Variants in TRMT1 observed in about 807,000 individuals in gnomAD.
TRMT1 encodes the protein tRNA (guanine(26)-N(2))-dimethyltransferase.
TRMT1 carries 63 observed loss-of-function variants against 75.4 expected under a neutral mutation model. The observed-to-expected ratio is 0.84, with a 90% CI of 0.68 to 1.03. TRMT1 has a LOEUF of 1.03. Ranked by LOEUF, TRMT1 falls within the 50% of genes least tolerant of loss-of-function variation. TRMT1 has a pLI of 0.00. For missense variants in TRMT1, 870 were observed against 905.3 expected (o/e 0.96, Z 0.50); for synonymous variants, 382 against 358.1 (o/e 1.07, Z -0.75).
intron 14 of TRMT1, among the ~76,000 whole-genome samples, chr19:13,106,395 A>G (rs1331900612): frequency 1.3e-5 from 2 of 152,112 alleles, no homozygotes; most frequent in Non-Finnish European, 2.9e-5. Context: ...TTATTTAACG[A>G]CTGTGTGCCT....
chr19:13,106,642 ATT>A (rs35374756), intron 14 of TRMT1, among the ~76,000 whole-genome samples: 21 of 131,848 alleles, frequency 1.6e-4, no homozygotes, highest in Admixed American at 3.1e-4. Flanking sequence ...CACCTGGCTA[ATT>A]TTTTTTTTTT....
chr19:13,109,527 C>G (rs1363819045), intron 11 of TRMT1, 23 bp downstream of exon 11: 2 of 1,613,860 alleles, frequency 1.2e-6, no homozygotes, highest in Non-Finnish European at 1.7e-6. Context: ...GAGCCCCCTT[C>G]CCCGTCACAG....
In TRMT1 at chr19:13,109,475, G is replaced by A; in HGVS notation, c.1312-9C>T. The A allele has an allele frequency of 6.2e-7, 1 of 1,613,994 alleles. No homozygotes were observed. The highest frequency in any genetic ancestry group is 1.1e-5 in the South Asian group (1 of 91,076). ...GGCACGTCCGGGAGCTCCTGCGATG[G>A]GGGACAGGATGGGCATGAGTGGAGA... On this transcript the variant is annotated splice_polypyrimidine_tract_variant and intron_variant, in intron 11 of 16. Transcript: ENST00000357720.
chr19:13,109,680 C>A lies in TRMT1; in HGVS notation c.1181G>T (p.Gly394Val), dbSNP rs755782799. Residue 394 changes from glycine to valine, a missense_variant, in exon 11 of 17, where the codon GGT (glycine) becomes GTT (valine). Transcript: ENST00000357720. ...GATGGGCTCTGCCCACATGGGGCCA[C>A]CAAGCTGGGGGCGCACCGGGGACAG... is the stretch of plus-strand genomic sequence containing the variant. ...CEHCGQRHQLGGPMWAEPIHD... is the reference protein window; with the variant it reads ...CEHCGQRHQLVGPMWAEPIHD... The A allele has an allele frequency of 6.2e-7, 1 of 1,613,918 alleles. No homozygotes were observed. Among genetic ancestry groups the A allele is most frequent in the Non-Finnish European group, 8.5e-7 (1 of 1,179,988 alleles).
chr19:13,116,222 C>T lies in TRMT1; in HGVS notation c.178G>A (p.Gly60Arg). The T allele has an allele frequency of 6.2e-7, 1 of 1,614,196 alleles. No homozygotes were observed. The change falls in exon 2 of 17, where the codon GGG (glycine) becomes AGG (arginine). Residue 60 changes from glycine to arginine, a missense_variant. By Grantham distance (125) the Gly-to-Arg change is moderately radical (BLOSUM62 -2). Coordinates refer to ENST00000357720, the MANE Select transcript of TRMT1 (RefSeq NM_001136035.4). ...REVQETTVTE[G>R]AAKIAFPSAN... ...CTGGGAAAGGCGATTTTGGCAGCCC[C>T]CTCGGTGACTGTCGTCTCCTGGACT...
intron 5 of TRMT1, 75 bp downstream of exon 5, chr19:13,115,204 T>C: frequency 6.8e-7 from 1 of 1,477,898 alleles, no homozygotes; most frequent in Non-Finnish European, 9.1e-7. Context: ...GGTCACAGAG[T>C]GAGAATGTGA....
intron 12 of TRMT1, among the ~76,000 whole-genome samples, chr19:13,109,014 C>T (rs951694176): frequency 7.9e-5 from 12 of 151,012 alleles, no homozygotes; most frequent in Admixed American, 5.3e-4. Flanking sequence ...ACTCCTGGCC[C>T]AAATGATCCT....
In TRMT1 at chr19:13,107,648, C is replaced by G. The variant is rs35206121; in HGVS notation, c.1509G>C (p.Glu503Asp). 1 of 1,605,104 alleles carries G rather than the reference C, an allele frequency of 6.2e-7. No homozygotes were observed. The highest frequency in any genetic ancestry group is 2.2e-5 in the East Asian group (1 of 44,672). Residue 503 changes from glutamate (E) to aspartate (D), a missense_variant and splice_region_variant, in exon 14 of 17, where the codon GAG becomes GAC. Glu to Asp is a conservative substitution (Grantham distance 45). Coordinates refer to ENST00000357720, the MANE Select transcript of TRMT1 (RefSeq NM_001136035.4). The stretch of plus-strand genomic sequence containing the variant: ...GCTCCCGTTTCACCGGACATTCCTT[C>G]TCCTGGGGGCAGAGGTCAGAGGTTA... Reference protein sequence around the residue: ...SALWDIMRCWEKECPVKRERL... With the variant: ...SALWDIMRCWDKECPVKRERL...
At chr19:13,106,824 T>TATTGATTG (rs2018893921) in intron 14 of TRMT1, among the ~76,000 whole-genome samples, 1 of 149,152 alleles carries the variant, frequency 6.7e-6, no homozygotes, top group Non-Finnish European at 1.5e-5. Context: ...TTTATTTATT[T>TATTGATTG]ATTTATTTAT....
rs1276995867 is a variant in TRMT1 at position 13,112,911 on chromosome 19, C to T, written c.742G>A (p.Ala248Thr). The T allele has an allele frequency of 6.2e-7, 1 of 1,613,314 alleles. No homozygotes were observed. The part of the protein sequence containing the change: ...PATFLDAAVQ[A>T]VSEGGLLCVT... ...CCCACCTCACCTCCTTCACTCACAGCCTGCACAGCTGCATCCAGGAAGGTG... is the reference window on the plus strand; with the variant it reads ...CCCACCTCACCTCCTTCACTCACAGTCTGCACAGCTGCATCCAGGAAGGTG... The change falls in exon 6 of 17, where the codon GCT (alanine) becomes ACT (threonine). Residue 248 changes from alanine to threonine, a missense_variant. Coordinates refer to ENST00000357720, the MANE Select transcript of TRMT1 (RefSeq NM_001136035.4).
Position 13,115,642 on chromosome 19 carries a change from AC to A in TRMT1, c.436del (p.Val146TrpfsTer27), listed in dbSNP as rs1360860061. Reference protein sequence around the residue: ...ASGDQPRTAAVGEICEEGLHV... With the variant: ...ASGDQPRTAAXGEICEEGLHV... ...AGGCCCCACCTCACAGATCTCCCCCACGGCCGCTGTGCGAGGTTGGTCTCCT... is the reference window on the plus strand; with the variant it reads ...AGGCCCCACCTCACAGATCTCCCCCAGGCCGCTGTGCGAGGTTGGTCTCCT... On this transcript the variant is annotated frameshift_variant, in exon 4 of 17. Coordinates refer to ENST00000357720, the MANE Select transcript of TRMT1 (RefSeq NM_001136035.4). LOFTEE classifies it high-confidence loss of function. 2 of 1,612,780 alleles carry A rather than the reference AC, an allele frequency of 1.2e-6. No homozygotes were observed. The highest frequency in any genetic ancestry group is 1.7e-6 in the Non-Finnish European group (2 of 1,179,742).
At chr19:13,115,557 C>T in intron 4 of TRMT1, 69 bp downstream of exon 4, 2 of 1,606,954 alleles carry the variant, frequency 1.2e-6, no homozygotes, top group Non-Finnish European at 8.5e-7. Flanking sequence ...TCCTATAGCT[C>T]TCCCCCTCCA....
intron 15 of TRMT1, 21 bp from the exon 16 acceptor site, chr19:13,105,417 G>A (rs1322584074): frequency 6.2e-7 from 1 of 1,613,676 alleles, no homozygotes; most frequent in South Asian, 1.1e-5. Flanking sequence ...GGAGGAGTAG[G>A]TGGGACCCCA....
In TRMT1 at chr19:13,116,297, C is replaced by T; in HGVS notation, c.103G>A (p.Ala35Thr). 1 of 1,614,124 alleles carries T rather than the reference C, an allele frequency of 6.2e-7. No individual in the cohort carries two copies. Among genetic ancestry groups the T allele is most frequent in the Non-Finnish European group, 8.5e-7 (1 of 1,180,040 alleles). ...GGCCCGGTGCCGTTCTCCATCGCTG[C>T]TGTATTCGGCAGCCCTGGAGACTGC... ...EWQSPGLPNT[A>T]AMENGTGPYG... is the part of the protein sequence containing the mutation. Residue 35 changes from alanine to threonine, a missense_variant, in exon 2 of 17, where the codon GCA becomes ACA. Physicochemically the swap from Ala to Thr is moderately conservative, Grantham distance 58 (BLOSUM62 0). Coordinates refer to ENST00000357720, the MANE Select transcript of TRMT1 (RefSeq NM_001136035.4).
At chr19:13,109,023 C>A (rs944765483) in intron 12 of TRMT1, among the ~76,000 whole-genome samples, 1 of 150,944 alleles carries the variant, frequency 6.6e-6, no homozygotes, top group Non-Finnish European at 1.5e-5. Flanking sequence ...CCAAATGATC[C>A]TCCCACCTCA....
chr19:13,116,509 TGAGGTAGG>T lies in TRMT1; in HGVS notation c.-32-86_-32-79del. 6 of 1,423,864 alleles carry T rather than the reference TGAGGTAGG, an allele frequency of 4.2e-6. No individual in the cohort carries two copies. In the South Asian group the frequency reaches 8.2e-5, roughly 19 times the overall value. 88.2% of individuals were successfully genotyped at this position (1,423,864 alleles called of 1,614,324 possible). On this transcript the variant is annotated intron_variant, in intron 1 of 16. Transcript: ENST00000357720. ...GGCCCGGGGATGTCCTACATATCTA[TGAGGTAGG>T]GACTAGGAAAACCTGCGGCCTCGGT...
At chr19:13,115,904 T>A (rs777555707) in intron 3 of TRMT1, 93 bp downstream of exon 3, 1 of 1,610,086 alleles carries the variant, frequency 6.2e-7, no homozygotes, top group African/African-American at 1.3e-5. Flanking sequence ...GCTATGTGGC[T>A]GAAGCCCCTC....
chr19:13,114,173 C>T (rs2019245272), intron 5 of TRMT1, among the ~76,000 whole-genome samples: 1 of 152,194 alleles, frequency 6.6e-6, no homozygotes, highest in South Asian at 2.1e-4. Context: ...ACTGCATAGT[C>T]TTCTTTTTTA....
chr19:13,113,946 G>A (rs2019237758), intron 5 of TRMT1, among the ~76,000 whole-genome samples: 2 of 152,016 alleles, frequency 1.3e-5, no homozygotes, highest in South Asian at 2.1e-4. Context: ...GTTTCACTGT[G>A]TTGCCTAGGC....
Sources: allele counts gnomAD v4.1 joint callset (sites outside exome capture counted in the v4.1 genomes callset), GRCh38; gene constraint gnomAD v4.1.1; transcripts MANE v1.5; gene names NCBI Gene and HGNC (gene_info 2026-07-23, HGNC 2026-07-21).